Variants in SMC4 observed in about 807,000 individuals in gnomAD.
SMC4 encodes structural maintenance of chromosomes 4.
SMC4 carries 87 observed loss-of-function variants against 145.6 expected under a neutral mutation model. That is an observed-to-expected ratio of 0.60 (90% CI 0.50 to 0.71). The LOEUF (loss-of-function observed/expected upper bound fraction) is 0.71, where lower values mean the gene tolerates loss of function less well. SMC4 is among the 30% of genes least tolerant of loss of function. The pLI is 0.00. For missense variants in SMC4, 1,447 were observed against 1,537.1 expected, an observed-to-expected ratio of 0.94 and a Z score of 0.98; for synonymous variants, 558 against 500.7, an observed-to-expected ratio of 1.11 and a Z score of -1.53.
intron 9 of SMC4, among the ~76,000 whole-genome samples, chr3:160,415,634 G>A (rs982044778): frequency 1.3e-5 from 2 of 152,196 alleles, no homozygotes; most frequent in Middle Eastern, 3.2e-3. Context: ...GGGAAATGTT[G>A]AACTTCACAG....
At chr3:160,406,262 T>G (rs1715316813) in intron 5 of SMC4, among the ~76,000 whole-genome samples, 1 of 152,120 alleles carries the variant, frequency 6.6e-6, no homozygotes, top group African/African-American at 2.4e-5. Context: ...GTTAACAGAT[T>G]CAGTTTGACT....
At chr3:160,409,083 G>A (rs1033254831) in intron 5 of SMC4, among the ~76,000 whole-genome samples, 5 of 147,042 alleles carry the variant, frequency 3.4e-5, no homozygotes, top group African/African-American at 9.8e-5. Flanking sequence ...TGGCTAACAC[G>A]GTGAAACCCC....
chr3:160,419,570 C>T (rs2108482823), intron 12 of SMC4, 27 bp downstream of exon 12: 6 of 1,543,560 alleles, frequency 3.9e-6, no homozygotes, highest in Non-Finnish European at 5.2e-6. Context: ...GGGGGCATGG[C>T]TTTACTTTTT....
At position 160,413,603 on chromosome 3, in the gene SMC4, G is replaced by A. The variant is rs1282625605; in HGVS notation, c.1111G>A (p.Asp371Asn). Residue 371 changes from aspartate (D) to asparagine (N), a missense_variant, in exon 8 of 24, where the codon GAT (aspartate) becomes AAT (asparagine). Asp to Asn is a conservative substitution (Grantham distance 23). Transcript: ENST00000357388. ...EMKAKNKDVKDTEKKLNKITK... is the reference protein window; with the variant it reads ...EMKAKNKDVKNTEKKLNKITK... ...GAAAGCTAAGAATAAAGATGTAAAA[G>A]ATACAGAAAAGTAATAATATTTTGG... 1 of 1,391,876 alleles carries A rather than the reference G, an allele frequency of 7.2e-7. No individual in the cohort carries two copies. The highest frequency in any genetic ancestry group is 9.9e-7 in the Non-Finnish European group (1 of 1,009,842). 86.2% of individuals were successfully genotyped at this position (1,391,876 alleles called of 1,614,324 possible).
chr3:160,428,606 T>C, intron 17 of SMC4, 147 bp from the exon 18 acceptor site: 2 of 641,664 alleles, frequency 3.1e-6, no homozygotes, highest in South Asian at 4.5e-5. Flanking sequence ...AGGATATCGT[T>C]TTTTTTTTTA....
chr3:160,425,022 A>ATGAGTGTGTGTGTG lies in SMC4; in HGVS notation c.2478+5_2478+6insAGTGTGTGTGTGTG. ...AAAAATTTACTGCAAGCATCCAGGT[A>ATGAGTGTGTGTGTG]TGTGTGTGTGTGTGTGTGTGTGTGT... On this transcript the variant is annotated splice_donor_region_variant and intron_variant, in intron 16 of 23. Transcript: ENST00000357388. 6.8e-7 allele frequency: 1 copy of ATGAGTGTGTGTGTG among 1,468,122 alleles called. No individual in the cohort carries two copies. The highest frequency in any genetic ancestry group is 9.2e-7 in the Non-Finnish European group (1 of 1,090,112). 90.9% of individuals were successfully genotyped at this position (1,468,122 alleles called of 1,614,324 possible). A position where few individuals can be genotyped will look rare whatever the true frequency, so the allele number is the denominator to read the frequency against.
At chr3:160,412,528 A>G (rs1249903349) in intron 7 of SMC4, 75 bp downstream of exon 7, 4 of 1,468,712 alleles carry the variant, frequency 2.7e-6, no homozygotes, top group Admixed American at 2.4e-5. Flanking sequence ...CTCTTTTCCT[A>G]GAGAAACATG....
intron 9 of SMC4, among the ~76,000 whole-genome samples, chr3:160,415,489 A>AT (rs1292115895): frequency 2.0e-5 from 3 of 152,252 alleles, no homozygotes; most frequent in African/African-American, 7.2e-5. Context: ...TTTGTTCCAT[A>AT]TGGTTACACA....
intron 9 of SMC4, among the ~76,000 whole-genome samples, chr3:160,414,783 A>G (rs1716415550): frequency 6.6e-6 from 1 of 152,080 alleles, no homozygotes; most frequent in African/African-American, 2.4e-5. Flanking sequence ...TGGTATGATT[A>G]TAGTCTTGAA....
rs1337960717 is a variant in SMC4 at position 160,400,973 on chromosome 3, A to AC, written c.139+11dup. The AC allele has an allele frequency of 1.4e-6, 2 of 1,386,416 alleles. No individual in the cohort carries two copies. The highest frequency in any genetic ancestry group is 1.8e-6 in the Non-Finnish European group (2 of 1,082,328). 85.9% of individuals were successfully genotyped at this position (1,386,416 alleles called of 1,614,324 possible). ...GCCCAGCCACCGCCGCAGGTGAGTG[A>AC]CCCGCCGCGACTCGGCGGGAACGCG... On this transcript the variant is annotated intron_variant, in intron 2 of 23. Transcript: ENST00000357388.
chr3:160,414,723 G>T (rs1306481755), intron 9 of SMC4, among the ~76,000 whole-genome samples: 1 of 152,056 alleles, frequency 6.6e-6, no homozygotes, highest in Non-Finnish European at 1.5e-5. Flanking sequence ...GTTTGGTTTT[G>T]GAATTTTGCA....
chr3:160,428,956 G>A lies in SMC4; in HGVS notation c.2795+14G>A. On this transcript the variant is annotated intron_variant, in intron 18 of 23. Coordinates refer to ENST00000357388, the MANE Select transcript of SMC4 (RefSeq NM_001002800.3). ...GACTGCTGACAGGTAGAGTATGCAT[G>A]TTACCCTAACTTGTTTTCCCTTTCC... 14 of 1,555,750 alleles carry A rather than the reference G, an allele frequency of 9.0e-6. No individual in the cohort carries two copies. The highest frequency in any genetic ancestry group is 1.1e-5 in the Non-Finnish European group (13 of 1,161,000).
chr3:160,401,084 C>A (rs1714570064), intron 2 of SMC4, 119 bp downstream of exon 2: 2 of 1,267,986 alleles, frequency 1.6e-6, no homozygotes, highest in South Asian at 1.9e-5. Context: ...GGTCCGGTGT[C>A]GGTCCGGTAG....
At chr3:160,420,035 A>C (rs1255465246) in intron 12 of SMC4, among the ~76,000 whole-genome samples, 1 of 152,218 alleles carries the variant, frequency 6.6e-6, no homozygotes, top group Non-Finnish European at 1.5e-5. Flanking sequence ...ACAAGGGATA[A>C]TCTAAAAATC....
intron 7 of SMC4, chr3:160,412,655 A>T (rs1171311153): frequency 1.7e-5 from 18 of 1,052,448 alleles, no homozygotes; most frequent in Non-Finnish European, 1.2e-6. Flanking sequence ...TGAGGCTGGG[A>T]GTTCAAGACC....
intron 9 of SMC4, 39 bp downstream of exon 9, chr3:160,414,556 A>G (rs769534051): frequency 5.8e-6 from 9 of 1,559,420 alleles, no homozygotes; most frequent in Non-Finnish European, 7.9e-6. Context: ...TTCACGTCTG[A>G]ATATCATACC....
At chr3:160,408,009 T>TA (rs781440963) in intron 5 of SMC4, among the ~76,000 whole-genome samples, 53 of 152,204 alleles carry the variant, frequency 3.5e-4, no homozygotes, top group Non-Finnish European at 7.3e-4. Context: ...TAAAGAACAC[T>TA]AATTTATAGT....
In SMC4 at chr3:160,412,460, G is replaced by A; in HGVS notation, c.980+7G>A. ...ATGTTTGTCAATATTATATGTAAGTGCCTTGATTGATATTACCAATTTTTA... is the reference window on the plus strand; with the variant it reads ...ATGTTTGTCAATATTATATGTAAGTACCTTGATTGATATTACCAATTTTTA... On this transcript the variant is annotated splice_region_variant and intron_variant, in intron 7 of 23. Transcript: ENST00000357388. The A allele has an allele frequency of 3.1e-6, 5 of 1,590,526 alleles. No individual in the cohort carries two copies. The highest frequency in any genetic ancestry group is 4.3e-6 in the Non-Finnish European group (5 of 1,167,152).
Position 160,400,883 on chromosome 3 carries a change from G to A in SMC4, c.57G>A (p.Pro19=). Reference sequence around the variant, plus strand: ...CCCGGCGCAGAGAGGAAGGGCCGCCGCCGCCGTCCCCTGACGGCGCCAGCA... The same window carrying A: ...CCCGGCGCAGAGAGGAAGGGCCGCCACCGCCGTCCCCTGACGGCGCCAGCA... ...STARRREEGP[P]PPSPDGASSD... Residue 19 remains proline (P), a synonymous_variant, in exon 2 of 24, where the codon CCG becomes CCA. Transcript: ENST00000357388. 2 of 1,513,202 alleles carry A rather than the reference G, an allele frequency of 1.3e-6. No homozygotes were observed. The highest frequency in any genetic ancestry group is 2.0e-5 in the Admixed American group (1 of 49,712). The allele number at this position is 1,513,202 out of a possible 1,614,324, so 93.7% of individuals were successfully genotyped here. A position where few individuals can be genotyped will look rare whatever the true frequency, so the allele number is the denominator to read the frequency against.
Sources: gnomAD v4.1 joint callset for allele counts (sites outside exome capture counted in the v4.1 genomes callset) on GRCh38, gnomAD v4.1.1 for gene constraint, MANE v1.5 for transcripts, NCBI Gene and HGNC (gene_info 2026-07-23, HGNC 2026-07-21) for gene names.